Variants in SMPX observed in about 807,000 individuals in gnomAD.
SMPX encodes the protein small muscle protein X-linked, also known as small muscular protein.
In SMPX, 2 loss-of-function variants were observed where a neutral mutation model predicts 6.3. The observed-to-expected ratio is 0.32, with a 90% CI of 0.13 to 0.99. The LOEUF is 0.99. Among genes scored for constraint, SMPX ranks in the 50% least tolerant of loss-of-function variants. SMPX has a pLI of 0.49. For missense variants in SMPX, 60 were observed against 66.8 expected, an observed-to-expected ratio of 0.90 and a Z score of 0.36; for synonymous variants, 32 against 24.7, an observed-to-expected ratio of 1.30 and a Z score of -0.88.
rs1462675157 is a variant in SMPX, at chrX:21,731,481, T to C, written c.*14+6068A>G. On this transcript the variant is annotated intron_variant, in intron 4 of 4. Transcript: ENST00000379494. Reference sequence around the variant, plus strand: ...ATGTGTGTATGTGTACACATACACATTATGTGTGTATGTGTACACATACAC... The same window carrying C: ...ATGTGTGTATGTGTACACATACACACTATGTGTGTATGTGTACACATACAC... Among the ~76,000 whole-genome samples, 8 of 76,381 alleles carry C rather than the reference T, an allele frequency of 1.0e-4. 1 individual carries two copies. Among genetic ancestry groups the C allele is most frequent in the African/African-American group, 2.0e-4 (4 of 19,807 alleles). 66.3% of individuals were successfully genotyped at this position (76,381 alleles called of 115,157 possible).
chrX:21,754,508 CAGG>C (rs1248610010), intron 1 of SMPX, among the ~76,000 whole-genome samples: 1 of 111,691 alleles, frequency 9.0e-6, no homozygotes, highest in Non-Finnish European at 1.9e-5. Context: ...ATAAATCATT[CAGG>C]AGGAGAAATG....
intron 3 of SMPX, among the ~76,000 whole-genome samples, chrX:21,742,227 A>T (rs2092816832): frequency 8.9e-6 from 1 of 112,124 alleles, no homozygotes; most frequent in South Asian, 3.8e-4. Context: ...TTACAGATAA[A>T]TGAAGGTATA....
intron 4 of SMPX, among the ~76,000 whole-genome samples, chrX:21,728,203 C>T (rs2092799124): frequency 1.0e-5 from 1 of 99,703 alleles, no homozygotes; most frequent in Non-Finnish European, 2.1e-5. Flanking sequence ...CCTCCTCTCC[C>T]TTCCCCTCCT....
At chrX:21,752,510 T>G (rs1483357300) in intron 2 of SMPX, among the ~76,000 whole-genome samples, 1 of 110,972 alleles carries the variant, frequency 9.0e-6, no homozygotes, top group Non-Finnish European at 1.9e-5. Flanking sequence ...TTTGTTTGTT[T>G]GTTTGTTTTT....
At chrX:21,711,484 C>T (rs138401406) in intron 4 of SMPX, among the ~76,000 whole-genome samples, 1 of 111,800 alleles carries the variant, frequency 8.9e-6, no homozygotes, top group African/African-American at 3.3e-5. Flanking sequence ...AACTTTTATA[C>T]CCAGACCAAA....
chrX:21,727,418 TAGGC>T (rs1178551298), intron 4 of SMPX: 1 of 111,942 alleles, frequency 8.9e-6, no homozygotes, highest in East Asian at 2.8e-4. Context: ...AGGTAAGAGC[TAGGC>T]AGTAAAATAT....
rs1003130382 is a variant in SMPX at position 21,737,593 on chromosome X, T to C, written c.237A>G (p.Glu79=). 8.3e-7 allele frequency: 1 copy of C among 1,205,183 alleles called. No individual in the cohort carries two copies. The highest frequency in any genetic ancestry group is 1.8e-5 in the African/African-American group (1 of 57,093). The change falls in exon 4 of 5, where the codon GAA becomes GAG. Residue 79 remains glutamate (E), a synonymous_variant. Coordinates refer to ENST00000379494, the MANE Select transcript of SMPX (RefSeq NM_014332.3). ...GTTCAGCTTTGGGGACATATTTTAGTTCACTTTTAATATTCTGGATTTCCG... is the reference window on the plus strand; with the variant it reads ...GTTCAGCTTTGGGGACATATTTTAGCTCACTTTTAATATTCTGGATTTCCG... The part of the protein sequence containing the change: ...NLSEIQNIKS[E]LKYVPKAEQ
intron 4 of SMPX, among the ~76,000 whole-genome samples, chrX:21,723,719 G>A (rs1016481022): frequency 1.8e-5 from 2 of 111,646 alleles, no homozygotes; most frequent in African/African-American, 6.5e-5. Context: ...GTAATGGAAG[G>A]TTGGCCCTGA....
intron 4 of SMPX, among the ~76,000 whole-genome samples, chrX:21,723,513 G>A (rs1822982840): frequency 8.9e-6 from 1 of 112,177 alleles, no homozygotes; most frequent in African/African-American, 3.2e-5. Context: ...AATGATCTCT[G>A]TAGGTTGGAA....
intron 2 of SMPX, among the ~76,000 whole-genome samples, chrX:21,746,474 T>C (rs1039741270): frequency 9.0e-6 from 1 of 111,122 alleles, no homozygotes; most frequent in African/African-American, 3.3e-5. Context: ...CTAAAGCAGC[T>C]CTGATATTGG....
intron 4 of SMPX, among the ~76,000 whole-genome samples, chrX:21,715,585 A>G (rs2092784236): frequency 9.0e-6 from 1 of 111,095 alleles, no homozygotes; most frequent in Non-Finnish European, 1.9e-5. Flanking sequence ...TAAACTGCAG[A>G]TTCTGACTCA....
At chrX:21,744,463 A>T (rs1442787067) in intron 2 of SMPX, among the ~76,000 whole-genome samples, 2 of 112,227 alleles carry the variant, frequency 1.8e-5, no homozygotes, top group Non-Finnish European at 3.8e-5. Flanking sequence ...CTTCTCCCTT[A>T]TGATGATAAA....
chrX:21,743,695 G>A lies in SMPX; in HGVS notation c.132+55C>T, dbSNP rs761960804. 4.0e-5 allele frequency: 42 copies of A among 1,042,083 alleles called. No homozygotes were observed. The Middle Eastern group carries it at 1.1e-3, about 27-fold the overall frequency. The allele number at this position is 1,042,083 out of a possible 1,213,427, so 85.9% of individuals were successfully genotyped here. On this transcript the variant is annotated intron_variant, in intron 3 of 4. Coordinates refer to ENST00000379494, the MANE Select transcript of SMPX (RefSeq NM_014332.3). ...TTGCCTAGCCTCTGCCCCCTCTGGT[G>A]AGGATTTTAGAAGGGAAAAACATTG... is the stretch of plus-strand genomic sequence containing the variant.
chrX:21,724,043 A>G (rs1275467807), intron 4 of SMPX, among the ~76,000 whole-genome samples: 5 of 112,254 alleles, frequency 4.5e-5, no homozygotes, highest in Non-Finnish European at 9.4e-5. Flanking sequence ...CAGCGAAAGC[A>G]GGTCTATAAT....
chrX:21,736,875 T>A (rs2092811049), intron 4 of SMPX, among the ~76,000 whole-genome samples: 2 of 111,019 alleles, frequency 1.8e-5, no homozygotes, highest in African/African-American at 6.6e-5. Context: ...CCCATACCAG[T>A]CCACAGGAGC....
chrX:21,725,137 A>G (rs1031010998), intron 4 of SMPX, among the ~76,000 whole-genome samples: 1 of 111,649 alleles, frequency 9.0e-6, no homozygotes, highest in African/African-American at 3.3e-5. Context: ...TTGATTATCA[A>G]ATTAAATAAT....
At chrX:21,713,010 A>AT in intron 4 of SMPX, among the ~76,000 whole-genome samples, 1 of 112,177 alleles carries the variant, frequency 8.9e-6, no homozygotes, top group Non-Finnish European at 1.9e-5. Flanking sequence ...CCTTCTTCCC[A>AT]TAATGCATAC....
chrX:21,737,771 G>A, intron 3 of SMPX, 74 bp from the exon 4 acceptor site: 2 of 1,030,608 alleles, frequency 1.9e-6, no homozygotes, highest in Admixed American at 2.4e-5. Flanking sequence ...GCATGAACCA[G>A]AAAAAAAAAT....
At chrX:21,750,560 A>G (rs751541391) in intron 2 of SMPX, among the ~76,000 whole-genome samples, 35 of 112,615 alleles carry the variant, frequency 3.1e-4, no homozygotes, top group African/African-American at 1.1e-3. Context: ...CCTCTGGCAT[A>G]GAACTTTATC....
Sources: gnomAD v4.1 joint callset for allele counts (sites outside exome capture counted in the v4.1 genomes callset) on GRCh38, gnomAD v4.1.1 for gene constraint, MANE v1.5 for transcripts, NCBI Gene and HGNC (gene_info 2026-07-23, HGNC 2026-07-21) for gene names.